Variants in FSTL4 observed in about 807,000 individuals in gnomAD.
The protein encoded by FSTL4 is follistatin like 4, also known as follistatin-related protein 4.
Under a neutral mutation model 78.2 loss-of-function variants are expected in FSTL4, and 28 were observed. The ratio of observed to expected loss-of-function variants is 0.36; its 90% CI spans 0.27 to 0.49. FSTL4 has a LOEUF of 0.49. FSTL4 is among the 20% of genes least tolerant of loss of function. The pLI is 0.98. For synonymous variants in FSTL4, 422 were observed against 440.5 expected, an observed-to-expected ratio of 0.96 and a Z score of 0.53; for missense variants, 922 against 1,084.9, an observed-to-expected ratio of 0.85 and a Z score of 2.11.
chr5:133,308,148 G>A (rs1445054098), intron 6 of FSTL4, among the ~76,000 whole-genome samples: 4 of 152,182 alleles, frequency 2.6e-5, no homozygotes, highest in African/African-American at 9.6e-5. Flanking sequence ...TTGAGAAAAT[G>A]AGGGACCAAG....
the FSTL4 span, among the ~76,000 whole-genome samples, chr5:133,808,953 A>G: frequency 6.6e-6 from 1 of 151,380 alleles, no homozygotes; most frequent in Non-Finnish European, 1.5e-5. Flanking sequence ...GACTGTCAGG[A>G]CGTGTGGTCA....
the FSTL4 span, among the ~76,000 whole-genome samples, chr5:133,707,202 T>C: frequency 6.6e-6 from 1 of 152,282 alleles, no homozygotes; most frequent in Non-Finnish European, 1.5e-5. Context: ...CAGGATTTGT[T>C]TATATGATAG....
chr5:133,205,427 TGC>T, intron 14 of FSTL4, among the ~76,000 whole-genome samples: 1 of 152,140 alleles, frequency 6.6e-6, no homozygotes, highest in East Asian at 1.9e-4. Context: ...TTTATACACA[TGC>T]GTCTCTCCTG....
intron 3 of FSTL4, among the ~76,000 whole-genome samples, chr5:133,452,763 C>T (rs1757410165): frequency 6.6e-6 from 1 of 152,246 alleles, no homozygotes; most frequent in African/African-American, 2.4e-5. Context: ...GATGCTCTTC[C>T]AGGGACCCCA....
At chr5:133,476,314 C>T (rs1373307477) in intron 3 of FSTL4, among the ~76,000 whole-genome samples, 1 of 152,174 alleles carries the variant, frequency 6.6e-6, no homozygotes, top group Admixed American at 6.5e-5. Flanking sequence ...GGGCAACGAG[C>T]TTATGGCCCC....
At chr5:133,722,823 G>T in the FSTL4 span, among the ~76,000 whole-genome samples, 1 of 152,150 alleles carries the variant, frequency 6.6e-6, no homozygotes, top group Non-Finnish European at 1.5e-5. Flanking sequence ...CATTTCATGT[G>T]GGTGAAGGGA....
chr5:133,562,076 G>C (rs1759926198), intron 3 of FSTL4, among the ~76,000 whole-genome samples: 1 of 152,148 alleles, frequency 6.6e-6, no homozygotes, highest in Non-Finnish European at 1.5e-5. Context: ...TGGCATGGGG[G>C]AAGGAAAAGC....
chr5:133,385,878 TGA>T (rs1755687555), intron 4 of FSTL4, among the ~76,000 whole-genome samples: 1 of 152,074 alleles, frequency 6.6e-6, no homozygotes, highest in Non-Finnish European at 1.5e-5. Flanking sequence ...AGAACACAAG[TGA>T]GAGTGCAGGC....
Position 133,398,184 on chromosome 5 carries a change from G to C in FSTL4, c.409+2554C>G, listed in dbSNP as rs983641720. Among the ~76,000 whole-genome samples the C allele has an allele frequency of 3.3e-5, 5 of 152,154 alleles. No individual in the cohort carries two copies. The East Asian group carries it at 9.6e-4, about 29-fold the overall frequency. On this transcript the variant is annotated intron_variant, in intron 4 of 15. Coordinates refer to ENST00000265342, the MANE Select transcript of FSTL4 (RefSeq NM_015082.2). ...CTCAGGGCTGGCCTGCCTTCCATCC[G>C]TCAGGCTCCTGTGAATCAGTGCCCA...
chr5:133,680,515 A>G, the FSTL4 span, among the ~76,000 whole-genome samples: 1 of 152,250 alleles, frequency 6.6e-6, no homozygotes, highest in South Asian at 2.1e-4. Context: ...CAAGGCCTCC[A>G]CTTCTTAGAG....
intron 6 of FSTL4, among the ~76,000 whole-genome samples, chr5:133,291,037 C>T (rs904728639): frequency 2.6e-4 from 39 of 152,356 alleles, no homozygotes; most frequent in Middle Eastern, 3.4e-3. Flanking sequence ...CCTGAGCCTG[C>T]GCTCAAGGTC....
chr5:133,828,799 T>C, the FSTL4 span, among the ~76,000 whole-genome samples: 90,252 of 152,172 alleles, frequency 0.59, 27,183 homozygotes, highest in Non-Finnish European at 0.67. Context: ...AGGACATGCA[T>C]GCAGGCTTCT....
the FSTL4 span, among the ~76,000 whole-genome samples, chr5:133,807,880 G>T: frequency 1.3e-5 from 2 of 152,140 alleles, no homozygotes; most frequent in African/African-American, 4.8e-5. Context: ...GTGCCTTCTG[G>T]GAGAACCTCC....
At chr5:133,448,009 C>T (rs1165895751) in intron 3 of FSTL4, among the ~76,000 whole-genome samples, 1 of 152,112 alleles carries the variant, frequency 6.6e-6, no homozygotes, top group East Asian at 1.9e-4. Context: ...TGTCATTTCT[C>T]CTCTTTGTTT....
chr5:133,309,807 C>A (rs1450111840), intron 6 of FSTL4, among the ~76,000 whole-genome samples: 1 of 152,332 alleles, frequency 6.6e-6, no homozygotes, highest in South Asian at 2.1e-4. Flanking sequence ...ACCCCACAGA[C>A]CTCACCCTGC....
In FSTL4 at chr5:133,225,624, T is replaced by C. The variant is rs762247581; in HGVS notation, c.1177+34A>G. The C allele has an allele frequency of 3.1e-5, 47 of 1,506,730 alleles. No homozygotes were observed. The highest frequency in any genetic ancestry group is 4.0e-5 in the Non-Finnish European group (45 of 1,118,832). 93.3% of individuals were successfully genotyped at this position (1,506,730 alleles called of 1,614,324 possible). On this transcript the variant is annotated intron_variant, in intron 9 of 15. Coordinates refer to ENST00000265342, the MANE Select transcript of FSTL4 (RefSeq NM_015082.2). This position sits in a 1 kb window ranked among gnomAD's most constrained non-coding sequence, Gnocchi z 4.6. ...AGTCTCAGCTTGATTTGAATGGGAA[T>C]ATCGCATAGACGTCTACCAAGGGCA...
the FSTL4 span, among the ~76,000 whole-genome samples, chr5:133,729,585 A>C: frequency 6.6e-6 from 1 of 152,046 alleles, no homozygotes; most frequent in Admixed American, 6.6e-5. Context: ...AACAGCCCCA[A>C]ACCATTTCTA....
the FSTL4 span, among the ~76,000 whole-genome samples, chr5:133,759,681 G>T: frequency 6.6e-6 from 1 of 152,122 alleles, no homozygotes; most frequent in African/African-American, 2.4e-5. Flanking sequence ...CTCTAACTGT[G>T]GACCAAGGCA....
At chr5:133,546,594 AGATTAGTATAGACAGAAGG>A (rs1580780604) in intron 3 of FSTL4, among the ~76,000 whole-genome samples, 1 of 151,100 alleles carries the variant, frequency 6.6e-6, no homozygotes, top group East Asian at 2.0e-4. Context: ...TTTGTTAAGG[AGATTAGTATAGACAGAAGG>A]GATAAGCAAG....
Sources: allele counts gnomAD v4.1 joint callset (sites outside exome capture counted in the v4.1 genomes callset), GRCh38; gene constraint gnomAD v4.1.1; non-coding constraint Gnocchi (gnomAD v3.1); transcripts MANE v1.5; gene names NCBI Gene and HGNC (gene_info 2026-07-23, HGNC 2026-07-21).